LIPI: variants seen among roughly 807,000 people sequenced by gnomAD.
LIPI encodes the protein lipase I.
In LIPI, 59 loss-of-function variants were observed where a neutral mutation model predicts 50.6. The ratio of observed to expected loss-of-function variants is 1.16; its 90% CI spans 0.94 to 1.45. LIPI has a LOEUF of 1.45. Among genes scored for constraint, LIPI ranks in the 40% most tolerant of loss-of-function variants. The pLI, the probability that LIPI is intolerant of heterozygous loss-of-function variation, is 0.00. For missense variants in LIPI, 586 were observed against 536.3 expected (o/e 1.09, Z -0.92); for synonymous variants, 203 against 178.2 (o/e 1.14, Z -1.11).
chr21:14,141,458 G>T (rs375661071), intron 9 of LIPI, among the ~76,000 whole-genome samples: 2 of 150,228 alleles, frequency 1.3e-5, no homozygotes, highest in Non-Finnish European at 3.0e-5. Context: ...CTCTTCACTC[G>T]TTCTTATATG....
chr21:14,127,048 G>A (rs2017094957), intron 9 of LIPI, among the ~76,000 whole-genome samples: 2 of 152,196 alleles, frequency 1.3e-5, no homozygotes, highest in Admixed American at 6.5e-5. Context: ...GTCATCTGAA[G>A]TCACCTCTGT....
At chr21:14,138,431 G>T (rs2017586946) in intron 9 of LIPI, among the ~76,000 whole-genome samples, 2 of 152,026 alleles carry the variant, frequency 1.3e-5, no homozygotes, top group South Asian at 4.1e-4. Flanking sequence ...ATCTGGAAAT[G>T]ATTGAACTAA....
intron 7 of LIPI, among the ~76,000 whole-genome samples, chr21:14,161,160 T>G (rs935638890): frequency 5.3e-5 from 8 of 151,098 alleles, no homozygotes; most frequent in African/African-American, 1.9e-4. Flanking sequence ...ACACAAAAAC[T>G]TATACACTAT....
intron 4 of LIPI, among the ~76,000 whole-genome samples, chr21:14,180,598 C>T (rs2019238754): frequency 6.6e-6 from 1 of 152,120 alleles, no homozygotes; most frequent in African/African-American, 2.4e-5. Context: ...CATTAATTGG[C>T]CAATAGATGT....
At position 14,150,644 on chromosome 21, in the gene LIPI, T is replaced by C. The variant is rs765491128; in HGVS notation, c.1118+1929A>G. Among the ~76,000 whole-genome samples the C allele has an allele frequency of 5.3e-5, 8 of 152,128 alleles. No individual in the cohort carries two copies. In the East Asian group the frequency reaches 5.8e-4, roughly 11 times the overall value. On this transcript the variant is annotated intron_variant, in intron 8 of 9. Coordinates refer to ENST00000681601, the MANE Select transcript of LIPI (RefSeq NM_001302998.2). ...TTTGATAAGAATAAATAATAGATCA[T>C]GTGTGAATGTGTATGTATATACATA...
chr21:14,109,144 C>T, intron 9 of LIPI, 64 bp from the exon 10 acceptor site: 6 of 1,268,898 alleles, frequency 4.7e-6, no homozygotes, highest in South Asian at 3.6e-5. Flanking sequence ...GAGTTGATTT[C>T]CTTCTCTCAT....
At chr21:14,136,675 C>T (rs572456655) in intron 9 of LIPI, among the ~76,000 whole-genome samples, 34 of 152,212 alleles carry the variant, frequency 2.2e-4, no homozygotes, top group African/African-American at 7.5e-4. Flanking sequence ...CAGGTCTGAA[C>T]GGCTTGGCCA....
At chr21:14,153,728 T>C (rs1185139884) in intron 7 of LIPI, among the ~76,000 whole-genome samples, 1 of 151,968 alleles carries the variant, frequency 6.6e-6, no homozygotes, top group Non-Finnish European at 1.5e-5. Flanking sequence ...ACAGGAGAAA[T>C]GATGCTAAAG....
chr21:14,208,666 G>A (rs2020286926), intron 1 of LIPI, among the ~76,000 whole-genome samples: 1 of 152,222 alleles, frequency 6.6e-6, no homozygotes, highest in South Asian at 2.1e-4. Context: ...ATTATCTACT[G>A]CTGCTTTCTT....
chr21:14,137,209 G>A (rs1179549263), intron 9 of LIPI, among the ~76,000 whole-genome samples: 1 of 151,990 alleles, frequency 6.6e-6, no homozygotes, highest in Non-Finnish European at 1.5e-5. Context: ...ACACCATGCA[G>A]GAAAACATGA....
chr21:14,161,205 T>A (rs2226729), intron 7 of LIPI, among the ~76,000 whole-genome samples: 129,696 of 150,416 alleles, frequency 0.86, 56,371 homozygotes, highest in East Asian at 0.97. Context: ...GCCAAAACCT[T>A]AAAACATCCC....
At chr21:14,201,423 A>G (rs369137481) in intron 1 of LIPI, among the ~76,000 whole-genome samples, 3 of 152,092 alleles carry the variant, frequency 2.0e-5, no homozygotes, top group East Asian at 3.9e-4. Flanking sequence ...TTACAAGAAT[A>G]AAAACTAACA....
intron 3 of LIPI, among the ~76,000 whole-genome samples, chr21:14,185,540 G>A (rs78320473): frequency 6.6e-6 from 1 of 152,180 alleles, no homozygotes; most frequent in East Asian, 1.9e-4. Flanking sequence ...AAAAATAAAT[G>A]TTTGTACATA....
rs564005660 is a variant in LIPI at position 14,201,712 on chromosome 21, A to G, written c.46+9088T>C. Among the ~76,000 whole-genome samples the G allele has an allele frequency of 3.3e-5, 5 of 152,300 alleles. No individual in the cohort carries two copies. The South Asian group carries it at 1.0e-3, about 32-fold the overall frequency. Reference sequence around the variant, plus strand: ...AAAATAATAAGAGCTATCTATGACAAGCCCACAGCCAATATCATAGTGAGT... The same window carrying G: ...AAAATAATAAGAGCTATCTATGACAGGCCCACAGCCAATATCATAGTGAGT... On this transcript the variant is annotated intron_variant, in intron 1 of 9. Coordinates refer to ENST00000681601, the MANE Select transcript of LIPI (RefSeq NM_001302998.2).
At chr21:14,135,723 G>C (rs1450392959) in intron 9 of LIPI, among the ~76,000 whole-genome samples, 1 of 152,162 alleles carries the variant, frequency 6.6e-6, no homozygotes. Context: ...TTGAAAGGCA[G>C]TCTAGGCCTT....
At chr21:14,126,244 A>C (rs1157399522) in intron 9 of LIPI, among the ~76,000 whole-genome samples, 3 of 152,218 alleles carry the variant, frequency 2.0e-5, no homozygotes, top group African/African-American at 7.2e-5. Context: ...AAACACCTAC[A>C]TGTCCAATAT....
Position 14,108,843 on chromosome 21 carries a change from T to G in LIPI, c.*150A>C. 1 of 887,496 alleles carries G rather than the reference T, an allele frequency of 1.1e-6. No individual in the cohort carries two copies. The highest frequency in any genetic ancestry group is 1.6e-5 in the South Asian group (1 of 61,658). 55.0% of individuals were successfully genotyped at this position (887,496 alleles called of 1,614,324 possible). A position where few individuals can be genotyped will look rare whatever the true frequency, so the allele number is the denominator to read the frequency against. The stretch of plus-strand genomic sequence containing the variant: ...AATGTTTAACTGTATGCATTTTTTA[T>G]TTTCTTTATTTTTGATTCTTAAAAT... On this transcript the variant is annotated 3_prime_UTR_variant, in exon 10 of 10. Transcript: ENST00000681601.
At chr21:14,156,258 T>G (rs550283457) in intron 7 of LIPI, among the ~76,000 whole-genome samples, 1 of 152,020 alleles carries the variant, frequency 6.6e-6, no homozygotes, top group South Asian at 2.1e-4. Flanking sequence ...AGCGACATTT[T>G]ATTGAATTAT....
chr21:14,154,957 A>C (rs1405283205), intron 7 of LIPI, among the ~76,000 whole-genome samples: 3 of 152,014 alleles, frequency 2.0e-5, no homozygotes, highest in Non-Finnish European at 2.9e-5. Flanking sequence ...TGTTAAGAAA[A>C]TTACCTGATG....
Sources: gnomAD v4.1 joint callset for allele counts (sites outside exome capture counted in the v4.1 genomes callset) on GRCh38, gnomAD v4.1.1 for gene constraint, MANE v1.5 for transcripts, NCBI Gene and HGNC (gene_info 2026-07-23, HGNC 2026-07-21) for gene names.